ASB9: variants seen among roughly 807,000 people sequenced by gnomAD.
ASB9 encodes the protein ankyrin repeat and SOCS box containing 9.
Under a neutral mutation model 16.6 loss-of-function variants are expected in ASB9, and 5 were observed. The ratio of observed to expected loss-of-function variants is 0.30; its 90% CI spans 0.16 to 0.63. The LOEUF is 0.63. Among genes scored for constraint, ASB9 ranks in the 30% least tolerant of loss-of-function variants. The pLI is 0.82. For synonymous variants in ASB9, 100 were observed against 86.4 expected, an observed-to-expected ratio of 1.16 and a Z score of -0.87; for missense variants, 216 against 229.4, an observed-to-expected ratio of 0.94 and a Z score of 0.38.
In ASB9 at chrX:15,244,645, T is replaced by C; in HGVS notation, c.761-15A>G. 8.4e-7 allele frequency: 1 copy of C among 1,190,188 alleles called. No individual in the cohort carries two copies. The highest frequency in any genetic ancestry group is 1.1e-6 in the Non-Finnish European group (1 of 883,384). ...AGAAGGGGGCCCTGGAGAAAGATCATAAGACAAGTCATACAATGGTGCTAT... is the reference window on the plus strand; with the variant it reads ...AGAAGGGGGCCCTGGAGAAAGATCACAAGACAAGTCATACAATGGTGCTAT... On this transcript the variant is annotated splice_polypyrimidine_tract_variant and intron_variant, in intron 6 of 6. Transcript: ENST00000380488.
intron 1 of ASB9, among the ~76,000 whole-genome samples, chrX:15,266,122 A>G (rs753226946): frequency 3.5e-4 from 39 of 110,563 alleles, no homozygotes; most frequent in African/African-American, 1.3e-3. Flanking sequence ...TATTTTTAGT[A>G]GAGATGGGGT....
At chrX:15,255,408 T>C (rs1373866853) in intron 2 of ASB9, among the ~76,000 whole-genome samples, 1 of 111,443 alleles carries the variant, frequency 9.0e-6, no homozygotes, top group Non-Finnish European at 1.9e-5. Flanking sequence ...TCAGAAGACA[T>C]AATATATAGA....
At chrX:15,250,608 C>T (rs746394965) in intron 4 of ASB9, 44 bp from the exon 5 acceptor site, 1 of 1,153,421 alleles carries the variant, frequency 8.7e-7, no homozygotes, top group African/African-American at 1.8e-5. Flanking sequence ...ATACAAGTTC[C>T]CTTAGCTAGA....
In ASB9 at chrX:15,248,800, G is replaced by A; in HGVS notation, c.704C>T (p.Pro235Leu). Residue 235 changes from proline (P) to leucine (L), a missense_variant, in exon 6 of 7, where the codon CCT becomes CTT. By Grantham distance (98) the Pro-to-Leu change is moderately conservative. Transcript: ENST00000380488. ...GCTCTCTGGAGGCACCAGCTCCACA[G>A]GACGTTTGCCTTCAGCATTCTTGGC... ...TQAKNAEGKR[P>L]VELVPPESPL... is the part of the protein sequence containing the mutation. The A allele has an allele frequency of 8.3e-7, 1 of 1,211,801 alleles. No individual in the cohort carries two copies. The highest frequency in any genetic ancestry group is 1.1e-6 in the Non-Finnish European group (1 of 895,448).
intron 1 of ASB9, among the ~76,000 whole-genome samples, chrX:15,261,265 G>A (rs1218833788): frequency 2.7e-5 from 3 of 112,112 alleles, no homozygotes; most frequent in Non-Finnish European, 5.6e-5. Flanking sequence ...AATCTTGAAT[G>A]AGAACAAAGA....
At chrX:15,254,208 T>C (rs777192918) in intron 3 of ASB9, among the ~76,000 whole-genome samples, 9 of 112,413 alleles carry the variant, frequency 8.0e-5, no homozygotes, top group Admixed American at 6.6e-4. Flanking sequence ...CTTCAAGATA[T>C]AAAAATTGCT....
intron 5 of ASB9, 141 bp downstream of exon 5, chrX:15,250,289 G>A: frequency 1.6e-6 from 1 of 635,775 alleles, no homozygotes; most frequent in Non-Finnish European, 2.3e-6. Flanking sequence ...AATTCCCCAA[G>A]GGAACACAGT....
At chrX:15,250,650 T>C in intron 4 of ASB9, 86 bp from the exon 5 acceptor site, 1 of 950,133 alleles carries the variant, frequency 1.1e-6, no homozygotes, top group Non-Finnish European at 1.4e-6. Flanking sequence ...TGCATTAAAT[T>C]TGGCAGCAGC....
intron 1 of ASB9, among the ~76,000 whole-genome samples, chrX:15,267,083 A>C (rs985391688): frequency 8.8e-6 from 1 of 113,804 alleles, no homozygotes; most frequent in Non-Finnish European, 1.9e-5. Context: ...TCCCATAATG[A>C]TTGGTTTGCT....
chrX:15,254,984 T>TAA (rs35149491), intron 2 of ASB9, 140 bp from the exon 3 acceptor site: 321 of 359,623 alleles, frequency 8.9e-4, no homozygotes, highest in East Asian at 2.1e-3. Flanking sequence ...ATATTGACTT[T>TAA]AAAAAAAAAA....
chrX:15,270,427 C>A (rs1425273340), upstream of ASB9: 1 of 112,331 alleles, frequency 8.9e-6, no homozygotes, highest in African/African-American at 3.2e-5. Flanking sequence ...TGCTGAATTG[C>A]TTGCACAGTA....
chrX:15,252,452 G>T lies in ASB9; in HGVS notation c.283-48C>A, dbSNP rs774434391. On this transcript the variant is annotated intron_variant, in intron 3 of 6. Transcript: ENST00000380488. ...GAAGACAGGAAGGGGGATGTTTTGG[G>T]TTCAAATGTGGGGTCCACCACTCTG... is the stretch of plus-strand genomic sequence containing the variant. The T allele has an allele frequency of 1.5e-5, 17 of 1,126,503 alleles. No homozygotes were observed. In the Admixed American group the frequency reaches 4.3e-4, roughly 28 times the overall value. The allele number at this position is 1,126,503 out of a possible 1,213,427, so 92.8% of individuals were successfully genotyped here.
At chrX:15,251,486 A>G (rs1162537785) in intron 4 of ASB9, among the ~76,000 whole-genome samples, 1 of 112,183 alleles carries the variant, frequency 8.9e-6, no homozygotes, top group East Asian at 2.8e-4. Flanking sequence ...AGTTCTATGT[A>G]TGCAGCGAAT....
intron 1 of ASB9, among the ~76,000 whole-genome samples, chrX:15,263,590 C>CTCTTTCCTGTCTCCCTCTCTCT (rs1307089030): frequency 6.6e-4 from 13 of 19,558 alleles, no homozygotes; most frequent in African/African-American, 4.6e-3. Context: ...CCTCTCTCTT[C>CTCTTTCCTGTCTCCCTCTCTCT]TCTCTCTCTC....
At chrX:15,248,152 A>G (rs775837644) in intron 6 of ASB9, among the ~76,000 whole-genome samples, 1 of 109,001 alleles carries the variant, frequency 9.2e-6, no homozygotes, top group African/African-American at 3.4e-5. Flanking sequence ...AGCCCAGCCC[A>G]GGCCTCAAAG....
Position 15,254,762 on chromosome X carries a change from T to G in ASB9, c.257A>C (p.Lys86Thr). 8.3e-7 allele frequency: 1 copy of G among 1,210,306 alleles called. No individual in the cohort carries two copies. The highest frequency in any genetic ancestry group is 1.1e-6 in the Non-Finnish European group (1 of 894,369). Residue 86 changes from lysine (K) to threonine (T), a missense_variant, in exon 3 of 7, where the codon AAG (lysine) becomes ACG (threonine). Physicochemically the swap from Lys to Thr is moderately conservative, Grantham distance 78. Transcript: ENST00000380488. ...CTGAGCTCCATGCTTTAATAAAATC[T>G]TCACACAAGAGAGATGACCTCCAAG... ...ACLGGHLSCV[K>T]ILLKHGAQVN...
chrX:15,244,691 T>A (rs78887440), intron 6 of ASB9, 61 bp from the exon 7 acceptor site: 8 of 981,416 alleles, frequency 8.2e-6, no homozygotes, highest in Non-Finnish European at 1.1e-5. Flanking sequence ...CTCCTTTTTT[T>A]TAAAAAAAAA....
Position 15,248,873 on chromosome X carries a change from T to C in ASB9, c.631A>G (p.Ser211Gly), listed in dbSNP as rs1337852977. 2.1e-5 allele frequency: 25 copies of C among 1,208,693 alleles called. No individual in the cohort carries two copies. The highest frequency in any genetic ancestry group is 2.8e-5 in the Non-Finnish European group (25 of 894,052). ...ATGAGCAGGCAGGCCAGCTCTTCAC[T>C]GGCTGTCCTGGCCACTGCATGAAGT... ...SPLHAVARTA[S>G]EELACLLMDF... The change falls in exon 6 of 7, where the codon AGT becomes GGT. Residue 211 changes from serine to glycine, a missense_variant. Transcript: ENST00000380488.
intron 3 of ASB9, among the ~76,000 whole-genome samples, chrX:15,254,365 G>A (rs192592924): frequency 8.2e-4 from 92 of 112,165 alleles, no homozygotes; most frequent in African/African-American, 2.4e-3. Flanking sequence ...ACAAGTCCAG[G>A]TTGCCAGCTA....
Sources: gnomAD v4.1 joint callset for allele counts (sites outside exome capture counted in the v4.1 genomes callset) on GRCh38, gnomAD v4.1.1 for gene constraint, MANE v1.5 for transcripts, NCBI Gene and HGNC (gene_info 2026-07-23, HGNC 2026-07-21) for gene names.